Variants in G2E3 observed in about 807,000 individuals in gnomAD.
The protein encoded by G2E3 is G2/M phase-specific E3 ubiquitin-protein ligase.
G2E3 carries 35 observed loss-of-function variants against 92.8 expected under a neutral mutation model. That is an observed-to-expected ratio of 0.38 (90% CI 0.29 to 0.50). The LOEUF is 0.50. Among genes scored for constraint, G2E3 ranks in the 20% least tolerant of loss-of-function variants. G2E3 has a pLI of 0.94. For synonymous variants in G2E3, 242 were observed against 272.4 expected (o/e 0.89, Z 1.10); for missense variants, 554 against 823.8 (o/e 0.67, Z 4.01).
At chr14:30,595,996 A>G (rs1881262138) in intron 6 of G2E3, among the ~76,000 whole-genome samples, 1 of 151,874 alleles carries the variant, frequency 6.6e-6, no homozygotes, top group Non-Finnish European at 1.5e-5. Flanking sequence ...TCTATACCAG[A>G]TACTTCCTTT....
chr14:30,570,428 T>TC (rs896036530), intron 1 of G2E3, among the ~76,000 whole-genome samples: 2 of 152,168 alleles, frequency 1.3e-5, no homozygotes, highest in African/African-American at 4.8e-5. Flanking sequence ...AAACATTCTT[T>TC]CTGTTCCACT....
chr14:30,573,362 A>T (rs1400889788), intron 1 of G2E3: 1 of 151,942 alleles, frequency 6.6e-6, no homozygotes, highest in Non-Finnish European at 1.5e-5. Context: ...CCGAGGTAAC[A>T]TGGGTGTATT....
intron 12 of G2E3, among the ~76,000 whole-genome samples, chr14:30,610,470 G>A (rs1882035884): frequency 1.3e-5 from 2 of 152,178 alleles, no homozygotes; most frequent in African/African-American, 4.8e-5. Flanking sequence ...AAAAAAATTA[G>A]CCAGGTGTGG....
At chr14:30,570,948 T>C (rs1343996832) in intron 1 of G2E3, among the ~76,000 whole-genome samples, 1 of 152,166 alleles carries the variant, frequency 6.6e-6, no homozygotes, top group African/African-American at 2.4e-5. Context: ...CTTAACAGTG[T>C]CTTTTGATGA....
intron 1 of G2E3, chr14:30,573,409 A>ATG (rs10552989): frequency 0.018 from 2,704 of 148,830 alleles, 22 homozygotes; most frequent in Middle Eastern, 0.038. Flanking sequence ...ACAACAGGAT[A>ATG]TGTGTGTGTG....
chr14:30,601,995 G>T lies in G2E3; in HGVS notation c.878-4G>T, dbSNP rs773064962. 1.2e-6 allele frequency: 2 copies of T among 1,610,828 alleles called. No individual in the cohort carries two copies. The highest frequency in any genetic ancestry group is 4.5e-5 in the East Asian group (2 of 44,822). ...TATGCTAACATGGAAATTTAAATCTGTAGGAGAGTTCCAAAAAGCCAAAAA... is the reference window on the plus strand; with the variant it reads ...TATGCTAACATGGAAATTTAAATCTTTAGGAGAGTTCCAAAAAGCCAAAAA... On this transcript the variant is annotated splice_polypyrimidine_tract_variant and splice_region_variant and intron_variant, in intron 9 of 14. Coordinates refer to ENST00000206595, the MANE Select transcript of G2E3 (RefSeq NM_017769.5).
chr14:30,591,106 C>T (rs938057626), intron 4 of G2E3: 1 of 169,982 alleles, frequency 5.9e-6, no homozygotes, highest in African/African-American at 2.4e-5. Context: ...TTAAAACATC[C>T]GAATCCTCTC....
At chr14:30,603,282 C>T (rs566742327) in intron 10 of G2E3, among the ~76,000 whole-genome samples, 4 of 149,550 alleles carry the variant, frequency 2.7e-5, no homozygotes, top group South Asian at 2.1e-4. Flanking sequence ...GCCAAGGTCG[C>T]GCCACTGTAC....
chr14:30,602,178 A>C (rs777441962), intron 10 of G2E3, 47 bp downstream of exon 10: 4 of 1,431,070 alleles, frequency 2.8e-6, no homozygotes, highest in African/African-American at 2.8e-5. Context: ...ATTTGGAGAA[A>C]ATTATGATAG....
chr14:30,575,697 A>C (rs1266212610), intron 1 of G2E3, among the ~76,000 whole-genome samples: 1 of 152,208 alleles, frequency 6.6e-6, no homozygotes, highest in African/African-American at 2.4e-5. Context: ...AACATACAAA[A>C]TTCACTAGCA....
intron 1 of G2E3, among the ~76,000 whole-genome samples, chr14:30,562,634 ACTC>A (rs1879175882): frequency 6.6e-6 from 1 of 151,116 alleles, no homozygotes; most frequent in Non-Finnish European, 1.5e-5. Flanking sequence ...AGAAGACTCT[ACTC>A]CTCCACCTCT....
Position 30,615,543 on chromosome 14 carries a change from T to G in G2E3, c.1864+4T>G. 6.6e-7 allele frequency: 1 copy of G among 1,517,940 alleles called. No homozygotes were observed. The highest frequency in any genetic ancestry group is 8.9e-7 in the Non-Finnish European group (1 of 1,124,362). The allele number at this position is 1,517,940 out of a possible 1,614,324, so 94.0% of individuals were successfully genotyped here. A position where few individuals can be genotyped will look rare whatever the true frequency, so the allele number is the denominator to read the frequency against. On this transcript the variant is annotated splice_donor_region_variant and intron_variant, in intron 14 of 14. Coordinates refer to ENST00000206595, the MANE Select transcript of G2E3 (RefSeq NM_017769.5). ...AGTTACTTACAGGCTGTTGAAGGTA[T>G]GTGGATATTTTATTTTACTTTTAAC... is the stretch of plus-strand genomic sequence containing the variant.
chr14:30,561,334 A>T (rs982501015), intron 1 of G2E3, among the ~76,000 whole-genome samples: 1 of 152,202 alleles, frequency 6.6e-6, no homozygotes, highest in Non-Finnish European at 1.5e-5. Flanking sequence ...ATGCTTTTTT[A>T]AAAAAGTAAT....
intron 2 of G2E3, among the ~76,000 whole-genome samples, chr14:30,583,149 T>C (rs1279947205): frequency 6.6e-6 from 1 of 152,194 alleles, no homozygotes; most frequent in Non-Finnish European, 1.5e-5. Flanking sequence ...CCCTTCATCT[T>C]GTAGGGATCT....
In G2E3 at chr14:30,601,889, A is replaced by T. The variant is rs770647792; in HGVS notation, c.872A>T (p.Asn291Ile). The T allele has an allele frequency of 1.2e-6, 2 of 1,612,410 alleles. No individual in the cohort carries two copies. The highest frequency in any genetic ancestry group is 8.5e-7 in the Non-Finnish European group (1 of 1,179,146). ...TTGGAATGTAGGGGTATTATCTACAATTCAGGTAATTTTTTTGTAATTTTG... is the reference window on the plus strand; with the variant it reads ...TTGGAATGTAGGGGTATTATCTACATTTCAGGTAATTTTTTTGTAATTTTG... The part of the protein sequence containing the change: ...ECLECRGIIY[N>I]SGEFQKAKKH... The change falls in exon 9 of 15, where the codon AAT becomes ATT. Residue 291 changes from asparagine (N) to isoleucine (I), a missense_variant. By Grantham distance (149) the Asn-to-Ile change is moderately radical. Coordinates refer to ENST00000206595, the MANE Select transcript of G2E3 (RefSeq NM_017769.5).
intron 1 of G2E3, among the ~76,000 whole-genome samples, chr14:30,572,096 T>C (rs1313966207): frequency 6.6e-6 from 1 of 152,106 alleles, no homozygotes; most frequent in East Asian, 1.9e-4. Context: ...GAGTGTAGTC[T>C]TTTTCCACAT....
intron 13 of G2E3, 120 bp from the exon 14 acceptor site, chr14:30,615,226 GGTT>G (rs1882258903): frequency 1.8e-6 from 1 of 546,844 alleles, no homozygotes; most frequent in Admixed American, 3.6e-5. Flanking sequence ...GGGGTTTTTT[GGTT>G]GTTTTTTAAA....
At chr14:30,574,410 TCTTTTTTTTTTAA>T (rs1300190897) in intron 1 of G2E3, 3 of 151,916 alleles carry the variant, frequency 2.0e-5, no homozygotes, top group Non-Finnish European at 4.4e-5. Flanking sequence ...ATACAGTTCA[TCTTTTTTTTTTAA>T]CTTTTTTTTT....
At chr14:30,601,629 T>TA in intron 8 of G2E3, 141 bp from the exon 9 acceptor site, 1 of 751,040 alleles carries the variant, frequency 1.3e-6, no homozygotes, top group Non-Finnish European at 2.2e-6. Context: ...GAGAAGCAGA[T>TA]AATCTTTTTC....
Sources: gnomAD v4.1 joint callset for allele counts (sites outside exome capture counted in the v4.1 genomes callset) on GRCh38, gnomAD v4.1.1 for gene constraint, MANE v1.5 for transcripts, NCBI Gene and HGNC (gene_info 2026-07-23, HGNC 2026-07-21) for gene names.